The following PHLPP1 variants were observed in gnomAD, a reference collection of about 807,000 sequenced individuals.
PHLPP1 encodes the protein PH domain and leucine rich repeat protein phosphatase 1.
A neutral mutation model predicts 117.2 loss-of-function variants in PHLPP1; 42 were observed. That is an observed-to-expected ratio of 0.36 (90% CI 0.28 to 0.46). PHLPP1 has a LOEUF of 0.46. PHLPP1 is among the 20% of genes least tolerant of loss of function. PHLPP1 has a pLI of 1.00. For synonymous variants in PHLPP1, 1,042 were observed against 970.7 expected (o/e 1.07, Z -1.37); for missense variants, 2,084 against 2,241.9 (o/e 0.93, Z 1.42).
At chr18:62,931,205 A>AC (rs1555682659) in intron 10 of PHLPP1, among the ~76,000 whole-genome samples, 237 of 148,602 alleles carry the variant, frequency 1.6e-3, no homozygotes, top group African/African-American at 5.3e-3. Context: ...TAAAAAAAAA[A>AC]AACAACAACA....
At chr18:62,926,695 G>C (rs1231363123) in intron 10 of PHLPP1, among the ~76,000 whole-genome samples, 1 of 152,186 alleles carries the variant, frequency 6.6e-6, no homozygotes, top group Non-Finnish European at 1.5e-5. Context: ...CCGAGTTGAA[G>C]TTGAGAATTC....
intron 11 of PHLPP1, among the ~76,000 whole-genome samples, chr18:62,943,107 C>T (rs751125844): frequency 6.6e-6 from 1 of 152,188 alleles, no homozygotes; most frequent in African/African-American, 2.4e-5. Context: ...AGGAAAGGAT[C>T]ATCAGCTCTA....
At chr18:62,940,653 C>A (rs1417669052) in intron 10 of PHLPP1, among the ~76,000 whole-genome samples, 1 of 152,088 alleles carries the variant, frequency 6.6e-6, no homozygotes, top group African/African-American at 2.4e-5. Context: ...CGTGAGCCAC[C>A]ACGCCTGGCC....
At chr18:62,877,824 G>A (rs553420575) in intron 4 of PHLPP1, among the ~76,000 whole-genome samples, 13 of 152,270 alleles carry the variant, frequency 8.5e-5, no homozygotes, top group African/African-American at 2.2e-4. Flanking sequence ...TAATGCTGCC[G>A]ACCTAATTTA....
chr18:62,722,623 C>CT (rs1347256479), intron 1 of PHLPP1, among the ~76,000 whole-genome samples: 1 of 152,008 alleles, frequency 6.6e-6, no homozygotes, highest in African/African-American at 2.4e-5. Flanking sequence ...ACGGCAAACC[C>CT]TTTTTTATAC....
intron 1 of PHLPP1, among the ~76,000 whole-genome samples, chr18:62,793,285 C>T (rs1397371424): frequency 3.9e-5 from 6 of 152,168 alleles, no homozygotes; most frequent in Non-Finnish European, 1.5e-5. Flanking sequence ...ATAGAAAATC[C>T]ATTCTGGAAA....
At chr18:62,824,373 C>G (rs757756023) in intron 1 of PHLPP1, among the ~76,000 whole-genome samples, 2 of 151,854 alleles carry the variant, frequency 1.3e-5, no homozygotes, top group Non-Finnish European at 2.9e-5. Flanking sequence ...GTGGTATATT[C>G]ATACAATGTA....
chr18:62,914,812 G>A, intron 8 of PHLPP1, 101 bp from the exon 9 acceptor site: 8 of 760,678 alleles, frequency 1.1e-5, no homozygotes, highest in South Asian at 8.7e-5. Flanking sequence ...TGGTACTTTG[G>A]TATTTTATTT....
intron 1 of PHLPP1, among the ~76,000 whole-genome samples, chr18:62,727,227 C>CAA (rs1213656513): frequency 8.5e-5 from 6 of 70,712 alleles, no homozygotes; most frequent in South Asian, 5.7e-4. Flanking sequence ...TACTCTGTCT[C>CAA]AAAAAAAAAA....
At position 62,715,861 on chromosome 18, in the gene PHLPP1, C is replaced by G; in HGVS notation, c.178C>G (p.Pro60Ala). Residue 60 changes from proline (P) to alanine (A), a missense_variant, in exon 1 of 17, where the codon CCG becomes GCG. Physicochemically the swap from Pro to Ala is conservative, Grantham distance 27 (BLOSUM62 -1). This residue lies in a region of PHLPP1 where 719 missense variants were observed against 636.0 expected (regional missense o/e 1.13). Transcript: ENST00000262719. ...GGAGCCCGCGCTGACCCCGGCGGCCCCGAGCGGCGGGAACGGCAGCGGCAG... is the reference window on the plus strand; with the variant it reads ...GGAGCCCGCGCTGACCCCGGCGGCCGCGAGCGGCGGGAACGGCAGCGGCAG... ...SPEPALTPAA[P>A]SGGNGSGSGA... 3 of 811,748 alleles carry G rather than the reference C, an allele frequency of 3.7e-6. No homozygotes were observed. The highest frequency in any genetic ancestry group is 4.5e-6 in the Non-Finnish European group (3 of 672,234). The allele number at this position is 811,748 out of a possible 1,614,324, so 50.3% of individuals were successfully genotyped here. A position where few individuals can be genotyped will look rare whatever the true frequency, so the allele number is the denominator to read the frequency against.
At chr18:62,892,443 A>C (rs989067350) in intron 4 of PHLPP1, among the ~76,000 whole-genome samples, 1 of 152,080 alleles carries the variant, frequency 6.6e-6, no homozygotes, top group Non-Finnish European at 1.5e-5. Flanking sequence ...CTGGATTCTC[A>C]TATCTCTTTC....
intron 12 of PHLPP1, among the ~76,000 whole-genome samples, chr18:62,948,301 G>A (rs1910358629): frequency 6.6e-6 from 1 of 152,088 alleles, no homozygotes. Context: ...CTCCAGCCTG[G>A]GTGACAGAGT....
intron 2 of PHLPP1, among the ~76,000 whole-genome samples, chr18:62,830,608 A>G (rs1035861450): frequency 6.6e-6 from 1 of 152,154 alleles, no homozygotes; most frequent in Non-Finnish European, 1.5e-5. Flanking sequence ...CATTTCTGTG[A>G]TATGGGGTAG....
intron 14 of PHLPP1, among the ~76,000 whole-genome samples, chr18:62,968,038 G>T (rs1910952153): frequency 6.6e-6 from 1 of 152,116 alleles, no homozygotes; most frequent in East Asian, 1.9e-4. Flanking sequence ...GGTCAAGCTG[G>T]TCTCTAACTC....
At chr18:62,946,623 G>T (rs1347079553) in intron 12 of PHLPP1, among the ~76,000 whole-genome samples, 6 of 152,078 alleles carry the variant, frequency 3.9e-5, no homozygotes, top group Non-Finnish European at 7.3e-5. Flanking sequence ...GTTGAGATGT[G>T]TACAAGCCAT....
At chr18:62,772,074 CT>C (rs1912800054) in intron 1 of PHLPP1, among the ~76,000 whole-genome samples, 1 of 152,244 alleles carries the variant, frequency 6.6e-6, no homozygotes, top group African/African-American at 2.4e-5. Flanking sequence ...CATTCATCTT[CT>C]GACGTAACTG....
intron 10 of PHLPP1, among the ~76,000 whole-genome samples, chr18:62,940,585 C>T (rs903906510): frequency 1.3e-5 from 2 of 151,840 alleles, no homozygotes; most frequent in South Asian, 2.1e-4. Context: ...AGGATGGTCT[C>T]GATCTCCTGA....
rs143639484 is a variant in PHLPP1 at position 62,929,544 on chromosome 18, A to T, written c.2960+9430A>T. ...CACCAAGAAATAACTAGTATATTTT[A>T]GCAAAAGGAATGATAGTGAGCATTT... On this transcript the variant is annotated intron_variant, in intron 10 of 16. Coordinates refer to ENST00000262719, the MANE Select transcript of PHLPP1 (RefSeq NM_194449.4). Among the ~76,000 whole-genome samples, 771 of 152,332 alleles carry T rather than the reference A, an allele frequency of 5.1e-3. 5 individuals are homozygous for T. The highest frequency in any genetic ancestry group is 8.6e-3 in the Non-Finnish European group (585 of 68,036).
chr18:62,792,359 A>G (rs1014997499), intron 1 of PHLPP1, among the ~76,000 whole-genome samples: 4 of 152,132 alleles, frequency 2.6e-5, no homozygotes, highest in Admixed American at 1.3e-4. Flanking sequence ...GAAACAGTAG[A>G]TTTTATTCTG....
Sources: gnomAD v4.1 joint callset for allele counts (sites outside exome capture counted in the v4.1 genomes callset) on GRCh38, gnomAD v4.1.1 for gene constraint, gnomAD v4.1.1 regional missense constraint, MANE v1.5 for transcripts, NCBI Gene and HGNC (gene_info 2026-07-23, HGNC 2026-07-21) for gene names.